Variants in CCNY observed in about 807,000 individuals in gnomAD.
CCNY encodes the protein cyclin Y.
A neutral mutation model predicts 42.8 loss-of-function variants in CCNY; 19 were observed. The observed-to-expected ratio is 0.44, with a 90% CI of 0.31 to 0.65. The LOEUF is 0.65. Ranked by LOEUF, CCNY falls within the 30% of genes least tolerant of loss-of-function variation. CCNY has a pLI of 0.07. For synonymous variants in CCNY, 165 were observed against 162.7 expected, an observed-to-expected ratio of 1.01 and a Z score of -0.11; for missense variants, 370 against 437.3, an observed-to-expected ratio of 0.85 and a Z score of 1.37.
intron 8 of CCNY, among the ~76,000 whole-genome samples, chr10:35,563,814 C>A (rs1841512783): frequency 6.6e-6 from 1 of 151,854 alleles, no homozygotes; most frequent in Admixed American, 6.6e-5. Flanking sequence ...TCAAGTGATT[C>A]TCCTGCCTCA....
chr10:35,497,628 T>A (rs1402608578), intron 2 of CCNY, among the ~76,000 whole-genome samples: 2 of 148,874 alleles, frequency 1.3e-5, no homozygotes, highest in Non-Finnish European at 3.0e-5. Context: ...TACTCTCAGC[T>A]ACTTAGGCAG....
intron 3 of CCNY, among the ~76,000 whole-genome samples, chr10:35,504,999 G>A (rs1416027100): frequency 6.6e-6 from 1 of 150,548 alleles, no homozygotes; most frequent in Non-Finnish European, 1.5e-5. Flanking sequence ...AGGGATTTAT[G>A]TAAAGTTTAT....
intron 1 of CCNY, among the ~76,000 whole-genome samples, chr10:35,408,637 T>C (rs1332957865): frequency 2.0e-5 from 3 of 152,078 alleles, no homozygotes; most frequent in Non-Finnish European, 4.4e-5. Flanking sequence ...TAGAATATCA[T>C]CAGTTAAGGC....
intron 1 of CCNY, among the ~76,000 whole-genome samples, chr10:35,454,137 G>A (rs1838978583): frequency 6.6e-6 from 1 of 152,092 alleles, no homozygotes; most frequent in Non-Finnish European, 1.5e-5. Context: ...TCTTGTACTC[G>A]TTCATCCTGG....
At chr10:35,411,774 ATATCTATTG>A (rs1837911554) in intron 1 of CCNY, among the ~76,000 whole-genome samples, 1 of 152,182 alleles carries the variant, frequency 6.6e-6, no homozygotes, top group Non-Finnish European at 1.5e-5. Flanking sequence ...TGGTCAGGCC[ATATCTATTG>A]TATTTAGTGC....
intron 1 of CCNY, among the ~76,000 whole-genome samples, chr10:35,434,403 A>G (rs1838480982): frequency 6.6e-6 from 1 of 152,230 alleles, no homozygotes; most frequent in Non-Finnish European, 1.5e-5. Context: ...GCGCATCCTC[A>G]GGGACAGAGC....
chr10:35,462,319 C>A (rs1478890350), intron 1 of CCNY, among the ~76,000 whole-genome samples: 5 of 152,174 alleles, frequency 3.3e-5, no homozygotes, highest in African/African-American at 1.2e-4. Flanking sequence ...CAGAAGGACC[C>A]CGTCTTGCCA....
chr10:35,402,890 C>T (rs959414797), intron 1 of CCNY, among the ~76,000 whole-genome samples: 8 of 152,062 alleles, frequency 5.3e-5, no homozygotes, highest in African/African-American at 1.5e-4. Context: ...AAGGCCCGTC[C>T]GTTAATGGGA....
intron 1 of CCNY, among the ~76,000 whole-genome samples, chr10:35,346,455 A>C (rs1836305075): frequency 6.6e-6 from 1 of 152,212 alleles, no homozygotes; most frequent in African/African-American, 2.4e-5. Flanking sequence ...CACATCAGCA[A>C]GATTTTGCCT....
intron 1 of CCNY, among the ~76,000 whole-genome samples, chr10:35,337,700 A>G (rs566501366): frequency 2.6e-5 from 4 of 152,178 alleles, no homozygotes; most frequent in Non-Finnish European, 1.5e-5. Context: ...AACCTTACAA[A>G]TGGACTCCAC....
intron 1 of CCNY, among the ~76,000 whole-genome samples, chr10:35,451,527 A>G (rs887905090): frequency 6.6e-6 from 1 of 152,208 alleles, no homozygotes; most frequent in African/African-American, 2.4e-5. Context: ...AGTGAAACCC[A>G]GAGCACTTCT....
chr10:35,396,645 T>C (rs1837533460), intron 1 of CCNY, among the ~76,000 whole-genome samples: 1 of 151,988 alleles, frequency 6.6e-6, no homozygotes, highest in African/African-American at 2.4e-5. Flanking sequence ...GGTGAGGAGG[T>C]CCAGACAGTT....
At chr10:35,341,513 T>A (rs180921077) in intron 1 of CCNY, among the ~76,000 whole-genome samples, 44 of 152,364 alleles carry the variant, frequency 2.9e-4, no homozygotes, top group Non-Finnish European at 4.4e-4. Flanking sequence ...AATAGAACAT[T>A]TATTGTTTGG....
chr10:35,315,598 G>T (rs1419390831), intron 3 of CCNY, among the ~76,000 whole-genome samples: 1 of 152,184 alleles, frequency 6.6e-6, no homozygotes, highest in African/African-American at 2.4e-5. Flanking sequence ...CTTTAAGGCA[G>T]AACAATTTAT....
At chr10:35,466,611 T>A (rs1839275316) in intron 1 of CCNY, among the ~76,000 whole-genome samples, 1 of 152,200 alleles carries the variant, frequency 6.6e-6, no homozygotes. Context: ...TTGCTCCCGC[T>A]GTCCCTCACC....
chr10:35,554,635 C>G (rs1841326993), intron 8 of CCNY, among the ~76,000 whole-genome samples: 1 of 152,062 alleles, frequency 6.6e-6, no homozygotes, highest in South Asian at 2.1e-4. Context: ...CTGGCTGTCC[C>G]CTCCTGTTAG....
intron 3 of CCNY, among the ~76,000 whole-genome samples, chr10:35,307,821 T>A (rs868368879): frequency 0.022 from 3,078 of 137,088 alleles, 110 homozygotes; most frequent in African/African-American, 0.056. Flanking sequence ...TATATATATT[T>A]TTTTTTTTTT....
chr10:35,264,390 C>A (rs768211987), intron 3 of CCNY, among the ~76,000 whole-genome samples: 1 of 152,190 alleles, frequency 6.6e-6, no homozygotes, highest in Non-Finnish European at 1.5e-5. Flanking sequence ...AGAATCACCA[C>A]ACTGTCTTCC....
intron 1 of CCNY, among the ~76,000 whole-genome samples, chr10:35,342,107 C>G (rs1324259252): frequency 6.6e-6 from 1 of 152,136 alleles, no homozygotes; most frequent in African/African-American, 2.4e-5. Flanking sequence ...CTAGAAGCCT[C>G]AGGGACTCAT....
Sources: allele counts gnomAD v4.1 joint callset (sites outside exome capture counted in the v4.1 genomes callset), GRCh38; gene constraint gnomAD v4.1.1; transcripts MANE v1.5; gene names NCBI Gene and HGNC (gene_info 2026-07-23, HGNC 2026-07-21).